Variants in QKI observed in about 807,000 individuals in gnomAD.
QKI encodes QKI, KH domain containing RNA binding.
Under a neutral mutation model 39.0 loss-of-function variants are expected in QKI, and 10 were observed. The observed-to-expected ratio is 0.26, with a 90% CI of 0.16 to 0.43. The LOEUF (loss-of-function observed/expected upper bound fraction) is 0.43, where lower values mean the gene tolerates loss of function less well. Ranked by LOEUF, QKI falls within the 20% of genes least tolerant of loss-of-function variation. The probability of loss-of-function intolerance (pLI) is 1.00; values close to 1 mark genes in which losing one functional copy is unlikely to be tolerated. For synonymous variants in QKI, 204 were observed against 155.4 expected, an observed-to-expected ratio of 1.31 and a Z score of -2.33; for missense variants, 218 against 428.0, an observed-to-expected ratio of 0.51 and a Z score of 4.33.
At chr6:163,419,150 T>C (rs933505953) in intron 1 of QKI, among the ~76,000 whole-genome samples, 1 of 152,174 alleles carries the variant, frequency 6.6e-6, no homozygotes, top group Non-Finnish European at 1.5e-5. Flanking sequence ...GACCTCAGTT[T>C]AGTTTATACC....
chr6:163,522,882 A>G (rs1780246314), intron 3 of QKI, among the ~76,000 whole-genome samples: 1 of 151,832 alleles, frequency 6.6e-6, no homozygotes, highest in Non-Finnish European at 1.5e-5. Context: ...GAGTACGAAC[A>G]CTGCAGCTAT....
Position 163,575,748 on chromosome 6 carries a change from G to GA in QKI, c.*5039dup, listed in dbSNP as rs1349718767. Reference sequence around the variant, plus strand: ...ATTTTTTAGTGTGCCAAAAGCAAACGATAGGTTTAAATGAAATTGCTCACT... The same window carrying GA: ...ATTTTTTAGTGTGCCAAAAGCAAACGAATAGGTTTAAATGAAATTGCTCACT... On this transcript the variant is annotated 3_prime_UTR_variant, in exon 8 of 8. Transcript: ENST00000361752. 1.3e-5 allele frequency: 2 copies of GA among 152,078 alleles called. No homozygotes were observed. Among genetic ancestry groups the GA allele is most frequent in the African/African-American group, 2.4e-5 (1 of 41,392 alleles). 9.4% of individuals were successfully genotyped at this position (152,078 alleles called of 1,614,324 possible).
In QKI at chr6:163,570,719, C is replaced by T; in HGVS notation, c.*9C>T. 6.2e-7 allele frequency: 1 copy of T among 1,613,022 alleles called. No individual in the cohort carries two copies. The highest frequency in any genetic ancestry group is 8.5e-7 in the Non-Finnish European group (1 of 1,179,602). On this transcript the variant is annotated 3_prime_UTR_variant, in exon 8 of 8. Coordinates refer to ENST00000361752, the MANE Select transcript of QKI (RefSeq NM_006775.3). The stretch of plus-strand genomic sequence containing the variant: ...CCGCCACCGGCAACTAACCTATGAC[C>T]TTCTGACCTCTGAACTCTTCACCCA...
intron 3 of QKI, among the ~76,000 whole-genome samples, chr6:163,485,981 T>A (rs1777646306): frequency 6.6e-6 from 1 of 152,200 alleles, no homozygotes; most frequent in Admixed American, 6.5e-5. Flanking sequence ...GTTTATGAAT[T>A]TGTGTGGGGC....
intron 7 of QKI, chr6:163,569,521 T>G: frequency 8.0e-7 from 1 of 1,253,128 alleles, no homozygotes; most frequent in Non-Finnish European, 1.0e-6. Flanking sequence ...TCTTAAAAAT[T>G]ATACTACTGT....
intron 1 of QKI, among the ~76,000 whole-genome samples, chr6:163,440,626 G>A (rs1022222487): frequency 6.6e-6 from 1 of 152,168 alleles, no homozygotes; most frequent in African/African-American, 2.4e-5. Context: ...TCAATAAAAG[G>A]TAAAATTATT....
At chr6:163,542,137 A>C (rs994765691) in intron 4 of QKI, among the ~76,000 whole-genome samples, 9 of 151,938 alleles carry the variant, frequency 5.9e-5, no homozygotes, top group African/African-American at 7.2e-5. Context: ...TAGCCCCCCC[A>C]AAAAATGAAA....
chr6:163,539,972 A>G lies in QKI; in HGVS notation c.546+4847A>G, dbSNP rs73784455. ...ATTTGTTATTTAGGTCAGTTTTTAT[A>G]TTAAGGAGCTTTGTGATACTTACGT... On this transcript the variant is annotated intron_variant, in intron 4 of 7. Coordinates refer to ENST00000361752, the MANE Select transcript of QKI (RefSeq NM_006775.3). Among the ~76,000 whole-genome samples, 535 of 152,088 alleles carry G rather than the reference A, an allele frequency of 3.5e-3. 4 individuals carry two copies. Among genetic ancestry groups the G allele is most frequent in the African/African-American group, 0.012 (504 of 41,502 alleles).
intron 2 of QKI, among the ~76,000 whole-genome samples, chr6:163,477,000 T>G (rs1165753174): frequency 7.0e-6 from 1 of 142,642 alleles, no homozygotes; most frequent in African/African-American, 2.6e-5. Context: ...CAGATTCCTT[T>G]TTTTGTTTTG....
intron 1 of QKI, among the ~76,000 whole-genome samples, chr6:163,445,770 A>G (rs1441086994): frequency 1.3e-5 from 2 of 151,896 alleles, no homozygotes; most frequent in Non-Finnish European, 2.9e-5. Flanking sequence ...GCCCGCCACC[A>G]CGCCCAGCTA....
chr6:163,508,504 T>TTTTCTTTCTTTCTTTCTTTCTTTC (rs142900512), intron 3 of QKI, among the ~76,000 whole-genome samples: 1 of 141,006 alleles, frequency 7.1e-6, no homozygotes, highest in Non-Finnish European at 1.5e-5. Flanking sequence ...TTTCTTTTTC[T>TTTTCTTTCTTTCTTTCTTTCTTTC]TTTCTTTCTT....
At chr6:163,469,484 A>G (rs991735753) in intron 2 of QKI, among the ~76,000 whole-genome samples, 1 of 152,236 alleles carries the variant, frequency 6.6e-6, no homozygotes, top group Non-Finnish European at 1.5e-5. Context: ...GTAGCTGGCA[A>G]GGTTACTTAA....
At chr6:163,499,093 C>T (rs567608453) in intron 3 of QKI, among the ~76,000 whole-genome samples, 83 of 152,150 alleles carry the variant, frequency 5.5e-4, no homozygotes, top group Middle Eastern at 3.4e-3. Context: ...TTCTACACTG[C>T]GGCATCATGT....
Position 163,569,243 on chromosome 6 carries a change from C to T in QKI, c.1010-1451C>T, listed in dbSNP as rs1783559363. On this transcript the variant is annotated intron_variant, in intron 7 of 7. Transcript: ENST00000361752. Reference sequence around the variant, plus strand: ...GGAAGATTTGGTCACATTGAAGATACAGTATTTTTGTAGTATTTATAAACT... The same window carrying T: ...GGAAGATTTGGTCACATTGAAGATATAGTATTTTTGTAGTATTTATAAACT... The T allele has an allele frequency of 7.2e-6, 7 of 969,402 alleles. No individual in the cohort carries two copies. The South Asian group carries it at 3.2e-4, about 44-fold the overall frequency. The allele number at this position is 969,402 out of a possible 1,614,324, so 60.1% of individuals were successfully genotyped here. A position where few individuals can be genotyped will look rare whatever the true frequency, so the allele number is the denominator to read the frequency against.
chr6:163,548,373 C>T (rs1782019850), intron 4 of QKI, among the ~76,000 whole-genome samples: 1 of 152,168 alleles, frequency 6.6e-6, no homozygotes. Flanking sequence ...AACCTAAAAA[C>T]ACATTCATGT....
intron 6 of QKI, chr6:163,565,997 C>A: frequency 6.2e-6 from 10 of 1,611,604 alleles, no homozygotes; most frequent in Non-Finnish European, 6.8e-6. Flanking sequence ...CTTAACTGAA[C>A]CCTCATCAGA....
At chr6:163,544,241 G>C (rs1332419211) in intron 4 of QKI, among the ~76,000 whole-genome samples, 2 of 152,030 alleles carry the variant, frequency 1.3e-5, no homozygotes, top group Non-Finnish European at 2.9e-5. Context: ...TGTGGGCGTT[G>C]CATTAGGTAT....
chr6:163,454,749 A>G (rs1256518857), intron 1 of QKI, among the ~76,000 whole-genome samples: 3 of 152,164 alleles, frequency 2.0e-5, no homozygotes, highest in African/African-American at 7.2e-5. Context: ...AAATTTGTAT[A>G]TGAAACTCAG....
At chr6:163,451,714 G>C (rs1790574617) in intron 1 of QKI, among the ~76,000 whole-genome samples, 1 of 152,182 alleles carries the variant, frequency 6.6e-6, no homozygotes, top group Non-Finnish European at 1.5e-5. Flanking sequence ...ACTGCTGCGG[G>C]TTGTTGAAGG....
Sources: allele counts gnomAD v4.1 joint callset (sites outside exome capture counted in the v4.1 genomes callset), GRCh38; gene constraint gnomAD v4.1.1; transcripts MANE v1.5; gene names NCBI Gene and HGNC (gene_info 2026-07-23, HGNC 2026-07-21).